Variants in CSMD1 observed in about 807,000 individuals in gnomAD.
CSMD1 encodes the protein CUB and Sushi multiple domains 1, also known as CUB and sushi domain-containing protein 1.
In CSMD1, 213 loss-of-function variants were observed where a neutral mutation model predicts 417.5. That is an observed-to-expected ratio of 0.51 (90% confidence interval 0.46 to 0.57). CSMD1 has a LOEUF of 0.57. CSMD1 is among the 20% of genes least tolerant of loss of function. The probability of loss-of-function intolerance (pLI) is 0.00; values close to 1 mark genes in which losing one functional copy is unlikely to be tolerated. For missense variants in CSMD1, 6,923 were observed against 4,529.7 expected, an observed-to-expected ratio of 1.53 and a Z score of -15.17; for synonymous variants, 2,862 against 1,736.8, an observed-to-expected ratio of 1.65 and a Z score of -16.11.
At chr8:4,279,666 C>A (rs1054736511) in intron 3 of CSMD1, among the ~76,000 whole-genome samples, 1 of 152,142 alleles carries the variant, frequency 6.6e-6, no homozygotes, top group Non-Finnish European at 1.5e-5. Context: ...TAACCCTGTT[C>A]AACTTATAAT....
rs142284684 is a variant in CSMD1, at chr8:4,724,607, A to G, written c.86-87049T>C. 6.5e-3 allele frequency among the ~76,000 whole-genome samples: 983 copies of G among 151,702 alleles called. 17 individuals are homozygous for G. The highest frequency in any genetic ancestry group is 0.022 in the African/African-American group (923 of 41,326). On this transcript the variant is annotated intron_variant, in intron 1 of 69. Coordinates refer to ENST00000635120, the MANE Select transcript of CSMD1 (RefSeq NM_033225.6). ...TCTGTTGAAGAAGAATTGACATAAT[A>G]TATTATGTGATATTATTTGGAAAAA...
At position 4,057,971 on chromosome 8, in the gene CSMD1, G is replaced by A. The variant is rs576273826; in HGVS notation, c.416-25872C>T. On this transcript the variant is annotated intron_variant, in intron 3 of 69. Coordinates refer to ENST00000635120, the MANE Select transcript of CSMD1 (RefSeq NM_033225.6). ...ATAGTTTGAAGTCAGGTAGGGTGAT[G>A]CCTCCAGCTTTGTTCTTTTGCCTTA... 1.6e-3 allele frequency among the ~76,000 whole-genome samples: 249 copies of A among 151,060 alleles called. 12 individuals are homozygous for A. In the East Asian group the frequency reaches 0.041, roughly 25 times the overall value.
At chr8:4,950,189 G>C (rs757943219) in intron 1 of CSMD1, among the ~76,000 whole-genome samples, 3 of 151,904 alleles carry the variant, frequency 2.0e-5, no homozygotes, top group Admixed American at 1.3e-4. Flanking sequence ...CATAATCTTT[G>C]TACCAATGTC....
intron 1 of CSMD1, among the ~76,000 whole-genome samples, chr8:4,665,745 T>G (rs1251398702): frequency 6.6e-6 from 1 of 152,242 alleles, no homozygotes; most frequent in Non-Finnish European, 1.5e-5. Flanking sequence ...TATTAAACAA[T>G]GTGGTTACCA....
intron 50 of CSMD1, among the ~76,000 whole-genome samples, chr8:3,047,125 T>C (rs1811504750): frequency 6.7e-6 from 1 of 148,824 alleles, no homozygotes; most frequent in Non-Finnish European, 1.5e-5. Flanking sequence ...GGAGAATCAC[T>C]TGAACCCAGG....
At chr8:4,539,491 T>C (rs1237155749) in intron 2 of CSMD1, among the ~76,000 whole-genome samples, 2 of 152,100 alleles carry the variant, frequency 1.3e-5, no homozygotes, top group African/African-American at 4.8e-5. Flanking sequence ...CAAATATCTT[T>C]CCCCCAAAAT....
intron 1 of CSMD1, among the ~76,000 whole-genome samples, chr8:4,963,969 T>C (rs1416764505): frequency 2.0e-5 from 3 of 152,116 alleles, no homozygotes; most frequent in Non-Finnish European, 4.4e-5. Flanking sequence ...CTCTATAACA[T>C]ATAGATTGTC....
chr8:3,658,988 T>G (rs1798270095), intron 7 of CSMD1, among the ~76,000 whole-genome samples: 1 of 152,236 alleles, frequency 6.6e-6, no homozygotes, highest in East Asian at 1.9e-4. Flanking sequence ...ATTTGTAGTG[T>G]GTTCTTCTAA....
chr8:4,816,775 G>T (rs1243450682), intron 1 of CSMD1, among the ~76,000 whole-genome samples: 1 of 152,160 alleles, frequency 6.6e-6, no homozygotes, highest in African/African-American at 2.4e-5. Context: ...TGAGGATGGG[G>T]ATGAAGGAAC....
chr8:4,283,979 T>C (rs754235971), intron 3 of CSMD1, among the ~76,000 whole-genome samples: 1 of 152,312 alleles, frequency 6.6e-6, no homozygotes, highest in South Asian at 2.1e-4. Flanking sequence ...ACACTTGTAA[T>C]CGTAGCACTT....
At chr8:3,159,871 G>C (rs1033935187) in intron 38 of CSMD1, among the ~76,000 whole-genome samples, 1 of 152,186 alleles carries the variant, frequency 6.6e-6, no homozygotes, top group Admixed American at 6.5e-5. Context: ...TCTGAGAGCT[G>C]TCATAATATC....
At chr8:3,698,560 G>A (rs1217363647) in intron 7 of CSMD1, among the ~76,000 whole-genome samples, 1 of 152,222 alleles carries the variant, frequency 6.6e-6, no homozygotes, top group Non-Finnish European at 1.5e-5. Flanking sequence ...AGCAGTGTTA[G>A]AAATCACTCT....
intron 1 of CSMD1, among the ~76,000 whole-genome samples, chr8:4,659,283 C>T (rs771612471): frequency 1.8e-4 from 28 of 151,924 alleles, no homozygotes; most frequent in South Asian, 8.3e-4. Flanking sequence ...TCAATTAACA[C>T]CCTAACTATA....
chr8:4,835,030 G>A (rs1157851129), intron 1 of CSMD1, among the ~76,000 whole-genome samples: 1 of 144,418 alleles, frequency 6.9e-6, no homozygotes, highest in African/African-American at 2.5e-5. Flanking sequence ...CACAGTATTG[G>A]GGGAACAAAT....
chr8:4,758,682 A>T (rs1305954591), intron 1 of CSMD1, among the ~76,000 whole-genome samples: 1 of 152,192 alleles, frequency 6.6e-6, no homozygotes, highest in South Asian at 2.1e-4. Flanking sequence ...AATAGTGGAC[A>T]CATCTTACAT....
At chr8:4,144,168 G>A (rs868859555) in intron 3 of CSMD1, among the ~76,000 whole-genome samples, 1 of 151,116 alleles carries the variant, frequency 6.6e-6, no homozygotes, top group South Asian at 2.1e-4. Context: ...GCTTTGGGAA[G>A]ACAGCACGAA....
chr8:4,241,531 G>C (rs917850704), intron 3 of CSMD1, among the ~76,000 whole-genome samples: 1 of 152,132 alleles, frequency 6.6e-6, no homozygotes, highest in East Asian at 1.9e-4. Context: ...AGGGTCTCTA[G>C]TGCACCACTC....
chr8:4,705,460 A>G (rs1018914278), intron 1 of CSMD1, among the ~76,000 whole-genome samples: 3 of 152,222 alleles, frequency 2.0e-5, no homozygotes, highest in Admixed American at 1.3e-4. Flanking sequence ...GTGTGCTCAC[A>G]TAGTCTTCCT....
At position 4,914,088 on chromosome 8, in the gene CSMD1, T is replaced by C. The variant is rs570039113; in HGVS notation, c.85+80244A>G. 7.2e-5 allele frequency among the ~76,000 whole-genome samples: 11 copies of C among 152,240 alleles called. No homozygotes were observed. In the East Asian group the frequency reaches 1.9e-3, roughly 27 times the overall value. ...TACCTAAATTACTCAGAGAGGAAGA[T>C]TTTACATTTATGGATGATTGATTTG... On this transcript the variant is annotated intron_variant, in intron 1 of 69. Coordinates refer to ENST00000635120, the MANE Select transcript of CSMD1 (RefSeq NM_033225.6).
Sources: gnomAD v4.1 joint callset for allele counts (sites outside exome capture counted in the v4.1 genomes callset) on GRCh38, gnomAD v4.1.1 for gene constraint, MANE v1.5 for transcripts, NCBI Gene and HGNC (gene_info 2026-07-23, HGNC 2026-07-21) for gene names.